The following TCEA3 variants were observed in gnomAD, a reference collection of about 807,000 sequenced individuals.
TCEA3 encodes the protein transcription elongation factor A protein 3.
A neutral mutation model predicts 44.0 loss-of-function variants in TCEA3; 36 were observed. The ratio of observed to expected loss-of-function variants is 0.82; its 90% CI spans 0.63 to 1.08. TCEA3 has a LOEUF of 1.08. Ranked by LOEUF, TCEA3 falls within the 50% of genes least tolerant of loss-of-function variation. The pLI is 0.00. For missense variants in TCEA3, 392 were observed against 441.2 expected (o/e 0.89, Z 1.00); for synonymous variants, 162 against 159.7 (o/e 1.01, Z -0.11).
chr1:23,410,248 T>G (rs2148574496), intron 4 of TCEA3, among the ~76,000 whole-genome samples: 1 of 152,014 alleles, frequency 6.6e-6, no homozygotes, highest in Non-Finnish European at 1.5e-5. Flanking sequence ...GCAGGAACCA[T>G]AAGCTGGAAT....
chr1:23,412,264 AT>A (rs1639734851), intron 4 of TCEA3: 1 of 152,122 alleles, frequency 6.6e-6, no homozygotes, highest in African/African-American at 2.4e-5. Flanking sequence ...ATTTAAAAAA[AT>A]AATTTGCACC....
intron 8 of TCEA3, among the ~76,000 whole-genome samples, chr1:23,387,677 GCA>G (rs1344945562): frequency 6.6e-6 from 1 of 152,170 alleles, no homozygotes; most frequent in Non-Finnish European, 1.5e-5. Context: ...CCGAGGACGA[GCA>G]CTCCTGTGTA....
At chr1:23,397,985 G>A (rs1183211832) in intron 5 of TCEA3, 30 bp from the exon 6 acceptor site, 1 of 1,609,930 alleles carries the variant, frequency 6.2e-7, no homozygotes. Context: ...ACAGACATTT[G>A]ACATTAAGAG....
chr1:23,382,651 C>G (rs1638699217), intron 10 of TCEA3, among the ~76,000 whole-genome samples: 1 of 152,210 alleles, frequency 6.6e-6, no homozygotes, highest in East Asian at 1.9e-4. Context: ...CATATGAGCT[C>G]TCAGAGGCTC....
chr1:23,384,140 C>T, intron 10 of TCEA3: 2 of 1,373,328 alleles, frequency 1.5e-6, no homozygotes, highest in South Asian at 3.6e-5. Flanking sequence ...AGCTTGGTGC[C>T]CTTCTAAAAT....
intron 3 of TCEA3, 63 bp downstream of exon 3, chr1:23,417,841 G>T: frequency 6.8e-7 from 1 of 1,470,778 alleles, no homozygotes; most frequent in Non-Finnish European, 9.5e-7. Context: ...TATGAGCCAG[G>T]CCCAGTCCTG....
rs33960365 is a variant in TCEA3, at chr1:23,413,986, G to GTATATATATATATATA, written c.380+3247_380+3262dup. On this transcript the variant is annotated intron_variant, in intron 4 of 10. Transcript: ENST00000450454. ...ATGCATAGGAATAGTCTAGCAGGAT[G>GTATATATATATATATA]TATATATATATATATATATATATAA... Among the ~76,000 whole-genome samples the GTATATATATATATATA allele has an allele frequency of 3.9e-3, 544 of 140,906 alleles. 6 individuals are homozygous for GTATATATATATATATA. Among genetic ancestry groups the GTATATATATATATATA allele is most frequent in the African/African-American group, 0.013 (510 of 38,594 alleles). 92.4% of individuals were successfully genotyped at this position (140,906 alleles called of 152,430 possible). A position where few individuals can be genotyped will look rare whatever the true frequency, so the allele number is the denominator to read the frequency against.
In TCEA3 at chr1:23,417,525, T is replaced by C; in HGVS notation, c.239-135A>G. Reference sequence around the variant, plus strand: ...CACTCCCAACACACACACAAACACATTTACACACAAATGCACAAACAACAG... The same window carrying C: ...CACTCCCAACACACACACAAACACACTTACACACAAATGCACAAACAACAG... On this transcript the variant is annotated intron_variant, in intron 3 of 10. Transcript: ENST00000450454. 4 of 1,364,946 alleles carry C rather than the reference T, an allele frequency of 2.9e-6. No individual in the cohort carries two copies. In the South Asian group the frequency reaches 6.1e-5, roughly 21 times the overall value. The allele number at this position is 1,364,946 out of a possible 1,614,324, so 84.6% of individuals were successfully genotyped here.
chr1:23,399,665 A>T (rs1639340236), intron 5 of TCEA3, among the ~76,000 whole-genome samples: 1 of 150,550 alleles, frequency 6.6e-6, no homozygotes, highest in African/African-American at 2.5e-5. Flanking sequence ...GCGATGTGAG[A>T]AACCTTTTTT....
intron 1 of TCEA3, among the ~76,000 whole-genome samples, 175 bp downstream of exon 1, chr1:23,424,390 T>TGGGCGTGTGCGTG (rs1640155876): frequency 6.6e-6 from 1 of 150,966 alleles, no homozygotes; most frequent in Non-Finnish European, 1.5e-5. Flanking sequence ...CACCTCGAGG[T>TGGGCGTGTGCGTG]GCTCAGCAAG....
At chr1:23,391,181 C>G (rs1286004456) in intron 8 of TCEA3, among the ~76,000 whole-genome samples, 1 of 130,830 alleles carries the variant, frequency 7.6e-6, no homozygotes, top group Non-Finnish European at 1.6e-5. Flanking sequence ...TGGAGGATCT[C>G]AGCTCACTGC....
intron 8 of TCEA3, among the ~76,000 whole-genome samples, chr1:23,388,466 G>A (rs921479663): frequency 1.3e-5 from 2 of 152,120 alleles, no homozygotes; most frequent in East Asian, 1.9e-4. Context: ...AAAGTGCTGG[G>A]ATTACAGGTA....
rs535808762 is a variant in TCEA3 at position 23,391,747 on chromosome 1, A to T, written c.819+2132T>A. Among the ~76,000 whole-genome samples, 16 of 152,076 alleles carry T rather than the reference A, an allele frequency of 1.1e-4. No homozygotes were observed. In the South Asian group the frequency reaches 1.9e-3, roughly 18 times the overall value. On this transcript the variant is annotated intron_variant, in intron 8 of 10. Coordinates refer to ENST00000450454, the MANE Select transcript of TCEA3 (RefSeq NM_003196.3). ...AGACCAGCCTGGCCAACATGGTGAAATCCCATCTCTACTAAAAATACAAAA... is the reference window on the plus strand; with the variant it reads ...AGACCAGCCTGGCCAACATGGTGAATTCCCATCTCTACTAAAAATACAAAA...
chr1:23,398,634 C>A (rs1035002931), intron 5 of TCEA3, among the ~76,000 whole-genome samples: 4 of 152,228 alleles, frequency 2.6e-5, no homozygotes, highest in African/African-American at 9.6e-5. Context: ...GGTATACTCT[C>A]ATCATCTCTA....
chr1:23,424,569 T>C lies in TCEA3; in HGVS notation c.65A>G (p.Asn22Ser). 1 of 1,607,552 alleles carries C rather than the reference T, an allele frequency of 6.2e-7. No individual in the cohort carries two copies. Among genetic ancestry groups the C allele is most frequent in the Non-Finnish European group, 8.5e-7 (1 of 1,178,752 alleles). Reference protein sequence around the residue: ...KKLEKMVARKNTEGALDLLKK... With the variant: ...KKLEKMVARKSTEGALDLLKK... ...GCCCAAACTCTGCAGCCTCACCGTGTTCTTCCTGGCCACCATCTTCTCCAG... is the reference window on the plus strand; with the variant it reads ...GCCCAAACTCTGCAGCCTCACCGTGCTCTTCCTGGCCACCATCTTCTCCAG... Residue 22 changes from asparagine (N) to serine (S), a missense_variant, in exon 1 of 11, where the codon AAC becomes AGC. Asn to Ser is a conservative substitution (Grantham distance 46). Transcript: ENST00000450454.
At chr1:23,398,063 C>G (rs1452716271) in intron 5 of TCEA3, 108 bp from the exon 6 acceptor site, 1 of 1,332,850 alleles carries the variant, frequency 7.5e-7, no homozygotes. Flanking sequence ...CTCATAACAA[C>G]CTCATGAGGT....
intron 5 of TCEA3, among the ~76,000 whole-genome samples, chr1:23,406,707 C>T (rs1558054539): frequency 6.6e-6 from 1 of 152,096 alleles, no homozygotes; most frequent in Admixed American, 6.6e-5. Context: ...AGTGCAATGG[C>T]GCAATCTCAG....
chr1:23,390,519 A>T (rs1433603560), intron 8 of TCEA3, among the ~76,000 whole-genome samples: 1 of 152,070 alleles, frequency 6.6e-6, no homozygotes, highest in Non-Finnish European at 1.5e-5. Flanking sequence ...GGCACAAAAG[A>T]TCAGAGGACA....
At chr1:23,412,752 T>A (rs1429884696) in intron 4 of TCEA3, among the ~76,000 whole-genome samples, 1 of 150,962 alleles carries the variant, frequency 6.6e-6, no homozygotes, top group African/African-American at 2.4e-5. Context: ...AATGGAAAAA[T>A]TATGTATGTA....
Sources: allele counts gnomAD v4.1 joint callset (sites outside exome capture counted in the v4.1 genomes callset), GRCh38; gene constraint gnomAD v4.1.1; transcripts MANE v1.5; gene names NCBI Gene and HGNC (gene_info 2026-07-23, HGNC 2026-07-21).